Variants in POLK observed in about 807,000 individuals in gnomAD.
The protein encoded by POLK is polymerase (DNA directed) kappa.
A neutral mutation model predicts 94.0 loss-of-function variants in POLK; 76 were observed. The observed-to-expected ratio is 0.81, with a 90% CI of 0.67 to 0.98. POLK has a LOEUF of 0.98. POLK is among the 50% of genes least tolerant of loss of function. POLK has a pLI of 0.00. For missense variants in POLK, 954 were observed against 1,010.1 expected (o/e 0.94, Z 0.75); for synonymous variants, 349 against 325.4 (o/e 1.07, Z -0.78).
At position 75,583,372 on chromosome 5, in the gene POLK, T is replaced by A. The variant is rs756128225; in HGVS notation, c.1014T>A (p.Asn338Lys). 2.4e-5 allele frequency: 38 copies of A among 1,605,918 alleles called. No individual in the cohort carries two copies. The South Asian group carries it at 4.0e-4, about 17-fold the overall frequency. Residue 338 changes from asparagine to lysine, a missense_variant, in exon 8 of 15, where the codon AAT (asparagine) becomes AAA (lysine). Asn to Lys is a moderately conservative substitution (Grantham distance 94, BLOSUM62 0). Transcript: ENST00000241436. ...ATGGACAATACCAAATTCTTCCCAA[T>A]AGACAAGCTGTGATGGACTTCATCA...
intron 11 of POLK, among the ~76,000 whole-genome samples, chr5:75,590,915 A>G (rs1173738411): frequency 6.6e-6 from 1 of 152,206 alleles, no homozygotes; most frequent in Non-Finnish European, 1.5e-5. Context: ...AACAAAACCT[A>G]TAAGGCTTTG....
the POLK span, among the ~76,000 whole-genome samples, chr5:75,607,329 G>C: frequency 6.6e-6 from 1 of 152,028 alleles, no homozygotes; most frequent in Admixed American, 6.5e-5. Flanking sequence ...GTAGCTGGGC[G>C]TGGTGGCACA....
At chr5:75,542,933 G>A (rs1186345487) in intron 1 of POLK, among the ~76,000 whole-genome samples, 3 of 149,732 alleles carry the variant, frequency 2.0e-5, no homozygotes, top group Admixed American at 6.7e-5. Flanking sequence ...GGCTGGTCTC[G>A]AACCCCTGAC....
chr5:75,587,890 A>C (rs2112851451), intron 10 of POLK, among the ~76,000 whole-genome samples: 1 of 152,306 alleles, frequency 6.6e-6, no homozygotes, highest in Middle Eastern at 3.4e-3. Context: ...ACTCCACTCC[A>C]GCCTAGGTGA....
chr5:75,585,433 T>G (rs1415103424), intron 9 of POLK, among the ~76,000 whole-genome samples: 1 of 152,236 alleles, frequency 6.6e-6, no homozygotes, highest in Non-Finnish European at 1.5e-5. Flanking sequence ...TCATGGAGTT[T>G]ACAGACTAGT....
intron 7 of POLK, chr5:75,581,738 C>T (rs987729620): frequency 1.2e-5 from 3 of 250,548 alleles, no homozygotes; most frequent in Admixed American, 1.1e-4. Context: ...TGCAGTGGGG[C>T]GATCTCATTC....
At chr5:75,601,910 A>G (rs1029588543), downstream of POLK, among the ~76,000 whole-genome samples, 1 of 152,156 alleles carries the variant, frequency 6.6e-6, no homozygotes, top group Non-Finnish European at 1.5e-5. Context: ...AGAGGACCCT[A>G]ATACACCACC....
chr5:75,566,438 A>C (rs1771277030), intron 3 of POLK, among the ~76,000 whole-genome samples: 1 of 152,214 alleles, frequency 6.6e-6, no homozygotes, highest in Non-Finnish European at 1.5e-5. Context: ...CAGCTAGCTC[A>C]GTGTCTGCCC....
chr5:75,520,741 G>A (rs926318003), intron 1 of POLK, among the ~76,000 whole-genome samples: 2 of 151,724 alleles, frequency 1.3e-5, no homozygotes, highest in African/African-American at 4.9e-5. Context: ...TTTTCTTTTT[G>A]CACATTTTTT....
chr5:75,570,376 C>A (rs188492454), intron 4 of POLK, among the ~76,000 whole-genome samples: 149 of 152,272 alleles, frequency 9.8e-4, no homozygotes, highest in Non-Finnish European at 1.5e-3. Flanking sequence ...TCAAACTGAT[C>A]TGCAGGCCAA....
In POLK at chr5:75,590,359, A is replaced by C. The variant is rs5744693; in HGVS notation, c.1275A>C (p.Ile425=). ...GTCTTTCTAGGACATTCAGTGAGAT[A>C]AATAAAGCGGAAGAGCAATACAGCC... is the stretch of plus-strand genomic sequence containing the variant. The change falls in exon 11 of 15, where the codon ATA becomes ATC. Residue 425 remains isoleucine, a synonymous_variant. Transcript: ENST00000241436. 64 of 1,588,124 alleles carry C rather than the reference A, an allele frequency of 4.0e-5. No individual in the cohort carries two copies. The African/African-American group carries it at 7.4e-4, about 18-fold the overall frequency.
exon 13 of POLK, chr5:75,596,921 A>G: frequency 6.2e-7 from 1 of 1,613,540 alleles, no homozygotes; most frequent in Non-Finnish European, 8.5e-7. Context: ...CACTGTCATC[A>G]GAATTCTTCT....
intron 1 of POLK, among the ~76,000 whole-genome samples, chr5:75,539,576 G>A (rs929606223): frequency 6.6e-6 from 1 of 151,998 alleles, no homozygotes; most frequent in Non-Finnish European, 1.5e-5. Flanking sequence ...GTTTACTGCA[G>A]CCTAGACCTA....
chr5:75,578,791 T>C (rs978889265), intron 6 of POLK, among the ~76,000 whole-genome samples: 1 of 152,328 alleles, frequency 6.6e-6, no homozygotes, highest in East Asian at 1.9e-4. Context: ...AATATATTGC[T>C]AACTACCATC....
chr5:75,526,618 G>A (rs541312440), intron 1 of POLK, among the ~76,000 whole-genome samples: 16 of 135,360 alleles, frequency 1.2e-4, no homozygotes, highest in African/African-American at 2.5e-4. Context: ...GTCTCGCTCC[G>A]TCGCCCAGGC....
chr5:75,562,058 C>A (rs2112716908), intron 3 of POLK, among the ~76,000 whole-genome samples: 1 of 152,134 alleles, frequency 6.6e-6, no homozygotes, highest in East Asian at 1.9e-4. Context: ...GTCAGTGGTA[C>A]CTTGATGGGA....
At position 75,520,615 on chromosome 5, in the gene POLK, T is replaced by A. The variant is rs1768527405; in HGVS notation, c.-14+8701T>A. Reference sequence around the variant, plus strand: ...GGTCTTATGATGTTGCCCAGGATAGTCTTAAACTCCTGGCCTCAGGCAGTC... The same window carrying A: ...GGTCTTATGATGTTGCCCAGGATAGACTTAAACTCCTGGCCTCAGGCAGTC... On this transcript the variant is annotated intron_variant, in intron 1 of 14. Transcript: ENST00000241436. Among the ~76,000 whole-genome samples the A allele has an allele frequency of 5.3e-5, 8 of 152,310 alleles. No homozygotes were observed. The South Asian group carries it at 1.7e-3, about 32-fold the overall frequency.
intron 1 of POLK, among the ~76,000 whole-genome samples, chr5:75,544,463 G>A (rs955047963): frequency 2.0e-5 from 3 of 152,106 alleles, no homozygotes; most frequent in Non-Finnish European, 4.4e-5. Context: ...CTAACATGAC[G>A]AAACCCCATC....
At chr5:75,581,092 GAAACT>G (rs1772170120) in intron 6 of POLK, 112 bp from the exon 7 acceptor site, 2 of 656,870 alleles carry the variant, frequency 3.0e-6, no homozygotes, top group Admixed American at 5.9e-5. Flanking sequence ...TTGGATCCTA[GAAACT>G]AAACTAAACT....
Sources: allele counts gnomAD v4.1 joint callset (sites outside exome capture counted in the v4.1 genomes callset), GRCh38; gene constraint gnomAD v4.1.1; transcripts MANE v1.5; gene names NCBI Gene and HGNC (gene_info 2026-07-23, HGNC 2026-07-21).